Variants in ANKS1B observed in about 807,000 individuals in gnomAD.
The protein encoded by ANKS1B is ankyrin repeat and sterile alpha motif domain-containing protein 1B.
In ANKS1B, 36 loss-of-function variants were observed where a neutral mutation model predicts 148.3. That is an observed-to-expected ratio of 0.24 (90% CI 0.19 to 0.32). ANKS1B has a LOEUF of 0.32. ANKS1B is among the 10% of genes least tolerant of loss of function. The pLI, the probability that ANKS1B is intolerant of heterozygous loss-of-function variation, is 1.00. For synonymous variants in ANKS1B, 542 were observed against 560.8 expected, an observed-to-expected ratio of 0.97 and a Z score of 0.47; for missense variants, 1,157 against 1,542.6, an observed-to-expected ratio of 0.75 and a Z score of 4.19.
At chr12:98,932,046 C>G (rs2099814133) in intron 17 of ANKS1B, among the ~76,000 whole-genome samples, 1 of 152,162 alleles carries the variant, frequency 6.6e-6, no homozygotes, top group African/African-American at 2.4e-5. Flanking sequence ...GTCTTCTCAG[C>G]TTTCAAAGGC....
intron 1 of ANKS1B, among the ~76,000 whole-genome samples, chr12:99,936,344 TA>T (rs1260775165): frequency 6.6e-6 from 1 of 152,170 alleles, no homozygotes; most frequent in Non-Finnish European, 1.5e-5. Flanking sequence ...ATGCTACTTG[TA>T]AAATACACAG....
rs145698053 is a variant in ANKS1B, at chr12:99,936,496, A to G, written c.134+47608T>C. Among the ~76,000 whole-genome samples, 247 of 152,226 alleles carry G rather than the reference A, an allele frequency of 1.6e-3. 9 individuals carry two copies. In the East Asian group the frequency reaches 0.04, roughly 25 times the overall value. On this transcript the variant is annotated intron_variant, in intron 1 of 26. Coordinates refer to ENST00000683438, the MANE Select transcript of ANKS1B (RefSeq NM_001352186.2). ...ACCCCATCTCTTAAAAAAATGGATA[A>G]TTACAGTTGCAACTGAGAAACCTCC... is the stretch of plus-strand genomic sequence containing the variant.
At chr12:99,879,676 A>T (rs78343283) in intron 1 of ANKS1B, among the ~76,000 whole-genome samples, 114 of 152,276 alleles carry the variant, frequency 7.5e-4, no homozygotes, top group African/African-American at 2.6e-3. Context: ...ATATGCTTTC[A>T]ATTTTCCTAT....
intron 21 of ANKS1B, among the ~76,000 whole-genome samples, chr12:98,800,151 A>G (rs1046268607): frequency 6.6e-6 from 1 of 151,304 alleles, no homozygotes; most frequent in Non-Finnish European, 1.5e-5. Flanking sequence ...GGGCAGTACC[A>G]CTGAAATAAA....
chr12:99,391,105 GT>G (rs200795493), intron 12 of ANKS1B, among the ~76,000 whole-genome samples: 3,438 of 152,296 alleles, frequency 0.023, 62 homozygotes, highest in South Asian at 0.037. Context: ...TTCGTTAGGA[GT>G]TTGAACAAAA....
chr12:98,908,609 T>TCTAA (rs1201689011), intron 17 of ANKS1B, among the ~76,000 whole-genome samples: 1 of 152,232 alleles, frequency 6.6e-6, no homozygotes, highest in Non-Finnish European at 1.5e-5. Flanking sequence ...CCTGCATTCC[T>TCTAA]CTAATTCTAT....
At chr12:99,358,542 A>G (rs2092221518) in intron 12 of ANKS1B, among the ~76,000 whole-genome samples, 1 of 152,058 alleles carries the variant, frequency 6.6e-6, no homozygotes, top group African/African-American at 2.4e-5. Context: ...TTTCATATTT[A>G]GTAGGGTCTT....
intron 12 of ANKS1B, among the ~76,000 whole-genome samples, chr12:99,369,791 T>TAGATAGATAGACAGACGGAC (rs879173702): frequency 6.7e-6 from 1 of 148,770 alleles, no homozygotes; most frequent in African/African-American, 2.5e-5. Context: ...GATAGATAGA[T>TAGATAGATAGACAGACGGAC]GGACGGACGG....
chr12:99,033,371 T>C (rs2099953505), intron 17 of ANKS1B, among the ~76,000 whole-genome samples: 1 of 152,246 alleles, frequency 6.6e-6, no homozygotes, highest in Non-Finnish European at 1.5e-5. Context: ...AGGTTTATAA[T>C]TTAGTAGTCA....
chr12:99,676,558 T>C (rs1185570294), intron 8 of ANKS1B, among the ~76,000 whole-genome samples: 1 of 152,218 alleles, frequency 6.6e-6, no homozygotes, highest in Non-Finnish European at 1.5e-5. Flanking sequence ...CTTCACACTT[T>C]CTAATTGCCA....
At chr12:99,535,288 C>T (rs1221478229) in intron 9 of ANKS1B, among the ~76,000 whole-genome samples, 2 of 152,176 alleles carry the variant, frequency 1.3e-5, no homozygotes, top group Non-Finnish European at 1.5e-5. Context: ...CCTCTGGTTT[C>T]CTGGCTTCTA....
At chr12:98,997,505 G>A (rs142046454) in intron 17 of ANKS1B, among the ~76,000 whole-genome samples, 4 of 151,426 alleles carry the variant, frequency 2.6e-5, no homozygotes, top group Admixed American at 1.3e-4. Flanking sequence ...GGGTTCAAGC[G>A]GTTCTCCTGC....
rs1312520420 is a variant in ANKS1B at position 99,114,646 on chromosome 12, GGAGGCT to G, written c.2527-29629_2527-29624del. On this transcript the variant is annotated intron_variant, in intron 15 of 26. Transcript: ENST00000683438. Reference sequence around the variant, plus strand: ...ATGGGCCTGCAATCCCAGCTACTCAGGAGGCTGAGGCAGAAGAATTGCTTGAACCTG... The same window carrying G: ...ATGGGCCTGCAATCCCAGCTACTCAGGAGGCAGAAGAATTGCTTGAACCTG... 3.3e-5 allele frequency among the ~76,000 whole-genome samples: 5 copies of G among 152,228 alleles called. No individual in the cohort carries two copies. In the East Asian group the frequency reaches 9.7e-4, roughly 30 times the overall value.
intron 19 of ANKS1B, among the ~76,000 whole-genome samples, chr12:98,813,213 G>GTT (rs759520050): frequency 1.4e-5 from 2 of 143,204 alleles, no homozygotes; most frequent in Admixed American, 7.0e-5. Context: ...AAGTTTTTTT[G>GTT]TTTTTTTTTT....
At chr12:99,566,463 G>T (rs1490371860) in intron 9 of ANKS1B, among the ~76,000 whole-genome samples, 1 of 152,160 alleles carries the variant, frequency 6.6e-6, no homozygotes, top group East Asian at 1.9e-4. Context: ...TCAAAGTTCA[G>T]ATTTCTACTA....
chr12:99,487,116 T>C (rs1267541349), intron 10 of ANKS1B, among the ~76,000 whole-genome samples: 1 of 152,204 alleles, frequency 6.6e-6, no homozygotes, highest in East Asian at 1.9e-4. Context: ...GGAAACTTCA[T>C]ATCAGCAGAA....
intron 12 of ANKS1B, among the ~76,000 whole-genome samples, chr12:99,319,174 A>C (rs1276226970): frequency 5.3e-5 from 8 of 152,206 alleles, no homozygotes; most frequent in Non-Finnish European, 1.2e-4. Flanking sequence ...AGAGTTCTGT[A>C]GATGTCTGTT....
intron 12 of ANKS1B, among the ~76,000 whole-genome samples, chr12:99,263,214 A>G (rs1251157180): frequency 6.6e-6 from 1 of 152,038 alleles, no homozygotes; most frequent in Non-Finnish European, 1.5e-5. Flanking sequence ...TTACTGTTAA[A>G]TCATTTGCAG....
At chr12:99,560,806 G>A (rs1483118573) in intron 9 of ANKS1B, among the ~76,000 whole-genome samples, 6 of 147,416 alleles carry the variant, frequency 4.1e-5, no homozygotes, top group Admixed American at 4.0e-4. Flanking sequence ...GGTTGCTGAA[G>A]ATTGGGGTTG....
Sources: allele counts gnomAD v4.1 joint callset (sites outside exome capture counted in the v4.1 genomes callset), GRCh38; gene constraint gnomAD v4.1.1; transcripts MANE v1.5; gene names NCBI Gene and HGNC (gene_info 2026-07-23, HGNC 2026-07-21).